Variants in SI observed in about 807,000 individuals in gnomAD.
SI encodes the protein sucrase-isomaltase, intestinal.
In SI, 235 loss-of-function variants were observed where a neutral mutation model predicts 253.3. The observed-to-expected ratio is 0.93, with a 90% CI of 0.83 to 1.03. SI has a LOEUF of 1.03. SI is among the 50% of genes least tolerant of loss of function. SI has a pLI of 0.00. For missense variants in SI, 2,442 were observed against 2,211.1 expected, an observed-to-expected ratio of 1.10 and a Z score of -2.09; for synonymous variants, 819 against 712.0, an observed-to-expected ratio of 1.15 and a Z score of -2.39.
Position 164,991,449 on chromosome 3 carries a change from A to T in SI, c.5012T>A (p.Phe1671Tyr). The T allele has an allele frequency of 6.2e-7, 1 of 1,613,650 alleles. No individual in the cohort carries two copies. Among genetic ancestry groups the T allele is most frequent in the Non-Finnish European group, 8.5e-7 (1 of 1,179,694 alleles). ...TGKDIGVRGQ[F>Y]QTFNASYDTI... is the part of the protein sequence containing the mutation. Reference sequence around the variant, plus strand: ...GTCATAAGAAGCATTAAATGTTTGAAATTGTCCTCTGACGCCAATATCTTT... The same window carrying T: ...GTCATAAGAAGCATTAAATGTTTGATATTGTCCTCTGACGCCAATATCTTT... Residue 1671 changes from phenylalanine to tyrosine, a missense_variant, in exon 44 of 48, where the codon TTT becomes TAT. Physicochemically the swap from Phe to Tyr is conservative, Grantham distance 22. Transcript: ENST00000264382.
intron 3 of SI, among the ~76,000 whole-genome samples, chr3:165,070,501 G>A (rs1351478028): frequency 6.6e-6 from 1 of 150,562 alleles, no homozygotes; most frequent in East Asian, 1.9e-4. Context: ...TTTTGATCAG[G>A]CAATTTTATC....
intron 16 of SI, among the ~76,000 whole-genome samples, chr3:165,045,923 T>A (rs1432443439): frequency 6.7e-6 from 1 of 148,634 alleles, no homozygotes; most frequent in Non-Finnish European, 1.5e-5. Context: ...AACCTCCACC[T>A]CCCAGGTTCA....
At chr3:165,027,401 T>C (rs546554111) in intron 25 of SI, among the ~76,000 whole-genome samples, 63 of 151,336 alleles carry the variant, frequency 4.2e-4, no homozygotes, top group African/African-American at 1.5e-3. Flanking sequence ...TACCAATCTA[T>C]TGACGTTATT....
At chr3:165,025,711 G>T (rs1438667179) in intron 25 of SI, among the ~76,000 whole-genome samples, 5 of 151,280 alleles carry the variant, frequency 3.3e-5, no homozygotes, top group African/African-American at 1.2e-4. Flanking sequence ...ACAATTATCA[G>T]CCAAGACTTT....
chr3:165,038,992 TTAAG>T, intron 20 of SI, 82 bp downstream of exon 20: 1 of 820,046 alleles, frequency 1.2e-6, no homozygotes, highest in South Asian at 1.6e-5. Flanking sequence ...TGCTATGTAG[TTAAG>T]TTTCTATGGA....
At chr3:164,980,493 A>G (rs915278209) in intron 47 of SI, among the ~76,000 whole-genome samples, 1 of 151,956 alleles carries the variant, frequency 6.6e-6, no homozygotes, top group Non-Finnish European at 1.5e-5. Context: ...AGGGTGGAGA[A>G]AGAAATTGAC....
rs759799935 is a variant in SI at position 165,023,794 on chromosome 3, G to T, written c.2893-18C>A. 11 of 1,551,678 alleles carry T rather than the reference G, an allele frequency of 7.1e-6. No individual in the cohort carries two copies. The highest frequency in any genetic ancestry group is 1.7e-4 in the Middle Eastern group (1 of 5,924). ...GAAGAACCCTAAAAACACAATGCAT[G>T]TTCATTGCCAGAAATTATAAGCCTT... On this transcript the variant is annotated intron_variant, in intron 25 of 47. Transcript: ENST00000264382.
rs748277348 is a variant in SI, at chr3:165,069,187, A to G, written c.264T>C (p.Cys88=). 1 of 1,603,644 alleles carries G rather than the reference A, an allele frequency of 6.2e-7. No individual in the cohort carries two copies. Among genetic ancestry groups the G allele is most frequent in the East Asian group, 2.2e-5 (1 of 44,720 alleles). The change falls in exon 4 of 48, where the codon TGT becomes TGC. Residue 88 remains cysteine, a synonymous_variant. Transcript: ENST00000264382. ...IPEQFPTEGI[C]AQRGCCWRPW... is the part of the protein sequence containing the mutation. Reference sequence around the variant, plus strand: ...GCCTCCAGCAGCAGCCTCTCTGTGCACAAATTCCCTGATAAAATATTTTTA... The same window carrying G: ...GCCTCCAGCAGCAGCCTCTCTGTGCGCAAATTCCCTGATAAAATATTTTTA...
chr3:165,030,675 T>A, intron 25 of SI, 37 bp downstream of exon 25: 1 of 1,596,696 alleles, frequency 6.3e-7, no homozygotes, highest in Non-Finnish European at 8.6e-7. Flanking sequence ...GCTTATGTGA[T>A]AACCATATCA....
In SI at chr3:165,023,677, C is replaced by A. The variant is rs769831553; in HGVS notation, c.2992G>T (p.Asp998Tyr). 3 of 1,610,836 alleles carry A rather than the reference C, an allele frequency of 1.9e-6. No individual in the cohort carries two copies. The highest frequency in any genetic ancestry group is 2.5e-6 in the Non-Finnish European group (3 of 1,177,918). Residue 998 changes from aspartate to tyrosine, a missense_variant, in exon 26 of 48, where the codon GAC becomes TAC. By Grantham distance (160) the Asp-to-Tyr change is radical. Transcript: ENST00000264382. Reference protein sequence around the residue: ...ARYSSMGITADLQLNTANARI... With the variant: ...ARYSSMGITAYLQLNTANARI... ...GCATTTGCAGTATTTAGTTGGAGGTCAGCTGTTATACCCATGGATGAATAG... is the reference window on the plus strand; with the variant it reads ...GCATTTGCAGTATTTAGTTGGAGGTAAGCTGTTATACCCATGGATGAATAG...
rs185772315 is a variant in SI, at chr3:165,060,248, T to C, written c.1021-221A>G. Among the ~76,000 whole-genome samples, 61 of 152,124 alleles carry C rather than the reference T, an allele frequency of 4.0e-4. No homozygotes were observed. In the East Asian group the frequency reaches 0.011, roughly 27 times the overall value. On this transcript the variant is annotated intron_variant, in intron 9 of 47. Transcript: ENST00000264382. ...AAGTTCATGTCTTGTACTTCACGTT[T>C]TAGTTTGTGTTTAAAAATTAGAAAG... is the stretch of plus-strand genomic sequence containing the variant.
chr3:165,029,237 C>T (rs1398220896), intron 25 of SI, among the ~76,000 whole-genome samples: 1 of 150,612 alleles, frequency 6.6e-6, no homozygotes, highest in African/African-American at 2.4e-5. Context: ...GTAATACCAC[C>T]TTACTCCTTC....
In SI at chr3:164,991,463, G is replaced by T; in HGVS notation, c.4998C>A (p.Gly1666=). Residue 1666 remains glycine, a synonymous_variant, in exon 44 of 48, where the codon GGC becomes GGA. Transcript: ENST00000264382. ...WFDYHTGKDI[G]VRGQFQTFNA... The stretch of plus-strand genomic sequence containing the variant: ...TAAATGTTTGAAATTGTCCTCTGAC[G>T]CCAATATCTTTGCCCTGGAAATGAA... The T allele has an allele frequency of 6.2e-7, 1 of 1,613,458 alleles. No individual in the cohort carries two copies. Among genetic ancestry groups the T allele is most frequent in the Non-Finnish European group, 8.5e-7 (1 of 1,179,594 alleles).
At chr3:164,989,419 A>AGAAAGAAAGAAG (rs1717617593) in intron 44 of SI, among the ~76,000 whole-genome samples, 2 of 147,530 alleles carry the variant, frequency 1.4e-5, no homozygotes, top group Admixed American at 6.8e-5. Context: ...AAAGAAAGAA[A>AGAAAGAAAGAAG]GAAAGAAAGA....
chr3:165,058,456 T>A (rs1277986508), intron 12 of SI, among the ~76,000 whole-genome samples: 60 of 151,442 alleles, frequency 4.0e-4, no homozygotes, highest in Admixed American at 3.9e-3. Flanking sequence ...ATACATGAAA[T>A]TGAAAAACAA....
At chr3:165,018,555 T>G (rs1719153396) in intron 28 of SI, among the ~76,000 whole-genome samples, 1 of 150,580 alleles carries the variant, frequency 6.6e-6, no homozygotes, top group Non-Finnish European at 1.5e-5. Flanking sequence ...ATAGAACATT[T>G]AAAGTTTTAT....
intron 27 of SI, among the ~76,000 whole-genome samples, 158 bp downstream of exon 27, chr3:165,021,071 T>A (rs1300858958): frequency 6.6e-6 from 1 of 151,700 alleles, no homozygotes; most frequent in African/African-American, 2.4e-5. Context: ...ATGGACTATG[T>A]TTAGCTAGAA....
chr3:165,009,192 G>T, intron 35 of SI, 87 bp downstream of exon 35: 1 of 879,110 alleles, frequency 1.1e-6, no homozygotes, highest in Non-Finnish European at 1.9e-6. Context: ...AAAATATTTT[G>T]TTGACATTAT....
chr3:165,077,828 A>G (rs192228269), intron 1 of SI, among the ~76,000 whole-genome samples: 35 of 151,760 alleles, frequency 2.3e-4, no homozygotes, highest in Non-Finnish European at 4.4e-4. Context: ...CTTTGTCTAG[A>G]AAAATCAAAA....
Sources: allele counts gnomAD v4.1 joint callset (sites outside exome capture counted in the v4.1 genomes callset), GRCh38; gene constraint gnomAD v4.1.1; transcripts MANE v1.5; gene names NCBI Gene and HGNC (gene_info 2026-07-23, HGNC 2026-07-21).